Variants in TBCK observed in about 807,000 individuals in gnomAD.
TBCK encodes the protein TBC1 domain containing kinase.
Under a neutral mutation model 113.4 loss-of-function variants are expected in TBCK, and 99 were observed. The observed-to-expected ratio is 0.87, with a 90% CI of 0.74 to 1.03. The LOEUF (loss-of-function observed/expected upper bound fraction) is 1.03. Ranked by LOEUF, TBCK falls within the 50% of genes least tolerant of loss-of-function variation. TBCK has a pLI of 0.00. For synonymous variants in TBCK, 369 were observed against 370.8 expected (o/e 1.00, Z 0.05); for missense variants, 1,045 against 1,061.3 (o/e 0.98, Z 0.21).
chr4:106,216,394 C>T (rs559195736), intron 19 of TBCK, among the ~76,000 whole-genome samples: 11 of 151,866 alleles, frequency 7.2e-5, no homozygotes, highest in African/African-American at 2.4e-4. Context: ...AATAGAGACA[C>T]AAAAAACCCT....
chr4:106,120,228 A>C (rs531376859), intron 23 of TBCK, among the ~76,000 whole-genome samples: 1 of 152,034 alleles, frequency 6.6e-6, no homozygotes, highest in South Asian at 2.1e-4. Flanking sequence ...AAATCGGGTC[A>C]CTCCCACCCG....
At chr4:106,288,653 C>T (rs1765361023) in intron 3 of TBCK, among the ~76,000 whole-genome samples, 1 of 152,146 alleles carries the variant, frequency 6.6e-6, no homozygotes, top group African/African-American at 2.4e-5. Flanking sequence ...CTATGTCTGG[C>T]TTCTTTTGCT....
chr4:106,186,451 T>C (rs940733724), intron 22 of TBCK, among the ~76,000 whole-genome samples: 8 of 152,176 alleles, frequency 5.3e-5, no homozygotes, highest in Admixed American at 2.6e-4. Context: ...TAGTATCTCA[T>C]TGTGGTTTTG....
chr4:106,076,205 T>A (rs1738172056), intron 25 of TBCK, among the ~76,000 whole-genome samples: 1 of 152,152 alleles, frequency 6.6e-6, no homozygotes, highest in African/African-American at 2.4e-5. Context: ...AGGCAGGCAG[T>A]TCTTGAGTGG....
intron 12 of TBCK, chr4:106,238,554 AC>A (rs1290192933): frequency 2.0e-5 from 3 of 152,098 alleles, no homozygotes; most frequent in African/African-American, 4.8e-5. Context: ...TAAAGAAAAA[AC>A]TAGGGGAATT....
chr4:106,298,159 G>A (rs1766512553), intron 2 of TBCK, among the ~76,000 whole-genome samples: 1 of 152,060 alleles, frequency 6.6e-6, no homozygotes, highest in Non-Finnish European at 1.5e-5. Flanking sequence ...TTTTGGTCCA[G>A]CCAGCATCAT....
At chr4:106,294,291 G>A (rs1354228629) in intron 3 of TBCK, among the ~76,000 whole-genome samples, 1 of 151,526 alleles carries the variant, frequency 6.6e-6, no homozygotes, top group Admixed American at 6.6e-5. Context: ...GCGGGTTCAA[G>A]CAATTCTCCT....
chr4:106,072,680 C>T (rs1737620400), intron 25 of TBCK, among the ~76,000 whole-genome samples: 2 of 152,308 alleles, frequency 1.3e-5, no homozygotes, highest in East Asian at 3.9e-4. Context: ...GGATAATAGC[C>T]TGAAGAGTGT....
chr4:106,277,984 T>C (rs1053630153), intron 3 of TBCK, among the ~76,000 whole-genome samples: 1 of 152,192 alleles, frequency 6.6e-6, no homozygotes, highest in Non-Finnish European at 1.5e-5. Context: ...TGGGTTAAAT[T>C]TAGCTACAAT....
At position 106,112,662 on chromosome 4, in the gene TBCK, T is replaced by C. The variant is rs568435174; in HGVS notation, c.2411+3541A>G. Among the ~76,000 whole-genome samples, 3 of 152,306 alleles carry C rather than the reference T, an allele frequency of 2.0e-5. No individual in the cohort carries two copies. In the East Asian group the frequency reaches 5.8e-4, roughly 29 times the overall value. ...AGTCCACTCTGGAGCCCACCCTGTA[T>C]GCACTTTTTCTCCGACTTCAGCATT... is the stretch of plus-strand genomic sequence containing the variant. On this transcript the variant is annotated intron_variant, in intron 24 of 25. Coordinates refer to ENST00000394708, the MANE Select transcript of TBCK (RefSeq NM_001163435.3).
rs530032657 is a variant in TBCK at position 106,185,419 on chromosome 4, A to G, written c.2059+8190T>C. On this transcript the variant is annotated intron_variant, in intron 22 of 25. Transcript: ENST00000394708. ...ATTAACTGTATATTAATTGTTGTACAGCAGATCCCTAGAAATTATATCTTG... is the reference window on the plus strand; with the variant it reads ...ATTAACTGTATATTAATTGTTGTACGGCAGATCCCTAGAAATTATATCTTG... Among the ~76,000 whole-genome samples, 45 of 152,200 alleles carry G rather than the reference A, an allele frequency of 3.0e-4. No homozygotes were observed. The East Asian group carries it at 6.2e-3, about 21-fold the overall frequency.
chr4:106,215,417 T>G (rs557005083), intron 19 of TBCK, among the ~76,000 whole-genome samples: 2 of 152,222 alleles, frequency 1.3e-5, no homozygotes, highest in African/African-American at 2.4e-5. Context: ...AGACACAGAC[T>G]GGCAAATTGG....
chr4:106,092,134 T>G (rs1012226247), intron 25 of TBCK, among the ~76,000 whole-genome samples: 2 of 152,114 alleles, frequency 1.3e-5, no homozygotes, highest in African/African-American at 4.8e-5. Context: ...GACATAAAGA[T>G]TCTCCAAGTC....
At chr4:106,169,016 A>G (rs1377920048) in intron 23 of TBCK, among the ~76,000 whole-genome samples, 1 of 152,016 alleles carries the variant, frequency 6.6e-6, no homozygotes, top group Non-Finnish European at 1.5e-5. Flanking sequence ...TGGATTAGGA[A>G]TGCTCAATCA....
chr4:106,112,321 G>T (rs1017533655), intron 24 of TBCK, among the ~76,000 whole-genome samples: 2 of 152,162 alleles, frequency 1.3e-5, no homozygotes, highest in Non-Finnish European at 2.9e-5. Flanking sequence ...AGGCCATATA[G>T]AGCATGCCCT....
intron 3 of TBCK, among the ~76,000 whole-genome samples, chr4:106,272,197 T>C (rs1763563912): frequency 2.0e-5 from 3 of 152,192 alleles, no homozygotes; most frequent in Non-Finnish European, 2.9e-5. Context: ...CCTCTAAGTA[T>C]CTTTCTTAAT....
chr4:106,111,083 G>T (rs1742798595), intron 24 of TBCK, among the ~76,000 whole-genome samples: 1 of 151,830 alleles, frequency 6.6e-6, no homozygotes, highest in Non-Finnish European at 1.5e-5. Context: ...TTCTAACAAT[G>T]GCCACTGTTA....
intron 3 of TBCK, among the ~76,000 whole-genome samples, chr4:106,279,715 A>T (rs1424111676): frequency 6.6e-6 from 1 of 152,156 alleles, no homozygotes; most frequent in African/African-American, 2.4e-5. Context: ...TATATCATTT[A>T]ACAAAATGAC....
In TBCK at chr4:106,233,460, T is replaced by C. The variant is rs1759096734; in HGVS notation, c.1512+128A>G. 3.8e-5 allele frequency: 27 copies of C among 713,676 alleles called. No individual in the cohort carries two copies. In the South Asian group the frequency reaches 4.8e-4, roughly 13 times the overall value. The allele number at this position is 713,676 out of a possible 1,614,324, so 44.2% of individuals were successfully genotyped here. A position where few individuals can be genotyped will look rare whatever the true frequency, so the allele number is the denominator to read the frequency against. ...TTATAAGCATAAGAGTTATGGTTTC[T>C]CTAACAATATATGTATGCAGCAGTG... On this transcript the variant is annotated intron_variant, in intron 16 of 25. Coordinates refer to ENST00000394708, the MANE Select transcript of TBCK (RefSeq NM_001163435.3).
Sources: allele counts gnomAD v4.1 joint callset (sites outside exome capture counted in the v4.1 genomes callset), GRCh38; gene constraint gnomAD v4.1.1; transcripts MANE v1.5; gene names NCBI Gene and HGNC (gene_info 2026-07-23, HGNC 2026-07-21).